SCRG1: variants seen among roughly 807,000 people sequenced by gnomAD.
The protein encoded by SCRG1 is scrapie-responsive protein 1.
SCRG1 carries 3 observed loss-of-function variants against 7.7 expected under a neutral mutation model. The observed-to-expected ratio is 0.39, with a 90% CI of 0.18 to 1.01. SCRG1 has a LOEUF of 1.01. Among genes scored for constraint, SCRG1 ranks in the 50% least tolerant of loss-of-function variants. SCRG1 has a pLI of 0.36. For synonymous variants in SCRG1, 46 were observed against 41.2 expected (o/e 1.12, Z -0.44); for missense variants, 110 against 117.2 (o/e 0.94, Z 0.28).
chr4:173,503,957 A>G, the SCRG1 span, among the ~76,000 whole-genome samples: 2 of 152,144 alleles, frequency 1.3e-5, no homozygotes, highest in Non-Finnish European at 2.9e-5. The surrounding 1 kb of genome is among the most constrained non-coding windows in gnomAD (Gnocchi z 6.4). Flanking sequence ...AGTGTCTTCT[A>G]TTTTCTGCCC....
chr4:173,496,054 T>C, the SCRG1 span, among the ~76,000 whole-genome samples: 1 of 151,674 alleles, frequency 6.6e-6, no homozygotes, highest in South Asian at 2.1e-4. Context: ...GAAACGAGAG[T>C]ATTCAATATA....
rs1029215144 is a variant in SCRG1, at chr4:173,385,152, A to C, written c.*3189T>G. 1.4e-4 allele frequency: 21 copies of C among 152,176 alleles called. No individual in the cohort carries two copies. Among genetic ancestry groups the C allele is most frequent in the African/African-American group, 4.8e-4 (20 of 41,436 alleles). The allele number at this position is 152,176 out of a possible 1,614,324, so 9.4% of individuals were successfully genotyped here. A position where few individuals can be genotyped will look rare whatever the true frequency, so the allele number is the denominator to read the frequency against. ...CAAGATGGTGTTTAGAAGAATAATA[A>C]AATTTTAATAAAAGCTTAGTTGTCT... On this transcript the variant is annotated 3_prime_UTR_variant, in exon 3 of 3. Transcript: ENST00000296506.
rs1739293520 is a variant in SCRG1 at position 173,388,124 on chromosome 4, A to C, written c.*217T>G. The C allele has an allele frequency of 1.3e-5, 6 of 453,082 alleles. No individual in the cohort carries two copies. The highest frequency in any genetic ancestry group is 2.3e-5 in the Non-Finnish European group (6 of 259,886). The allele number at this position is 453,082 out of a possible 1,614,324, so 28.1% of individuals were successfully genotyped here. ...CTCATAGATTACATTTTCTAGGCAA[A>C]ATTTTTAACCAATGCCAACAATGTC... On this transcript the variant is annotated 3_prime_UTR_variant, in exon 3 of 3. Transcript: ENST00000296506.
chr4:173,425,755 C>A, the SCRG1 span, among the ~76,000 whole-genome samples: 1 of 152,214 alleles, frequency 6.6e-6, no homozygotes, highest in Non-Finnish European at 1.5e-5. Context: ...AAAATATTAG[C>A]TCATTTCTTC....
the SCRG1 span, among the ~76,000 whole-genome samples, chr4:173,473,932 C>A: frequency 2.2e-4 from 34 of 152,296 alleles, no homozygotes; most frequent in East Asian, 6.6e-3. Flanking sequence ...GTAATCCCAG[C>A]ATTTTGGGAG....
the SCRG1 span, among the ~76,000 whole-genome samples, chr4:173,497,412 A>G: frequency 2.0e-5 from 3 of 152,076 alleles, no homozygotes; most frequent in African/African-American, 7.2e-5. Flanking sequence ...AAGATGATAA[A>G]GGAAAAGACT....
At chr4:173,466,071 G>A in the SCRG1 span, among the ~76,000 whole-genome samples, 1 of 152,074 alleles carries the variant, frequency 6.6e-6, no homozygotes, top group African/African-American at 2.4e-5. Flanking sequence ...GACCATTTGT[G>A]TACAAAATGG....
chr4:173,485,058 T>TATAATATAATTTA, the SCRG1 span, among the ~76,000 whole-genome samples: 1 of 9,012 alleles, frequency 1.1e-4, no homozygotes, highest in Non-Finnish European at 2.5e-4. Context: ...TAATATATTA[T>TATAATATAATTTA]ATATTATATA....
chr4:173,514,814 T>G, the SCRG1 span, among the ~76,000 whole-genome samples: 1 of 152,232 alleles, frequency 6.6e-6, no homozygotes, highest in Admixed American at 6.5e-5. Flanking sequence ...TCCCAGCTAA[T>G]AAACAACTTA....
chr4:173,487,647 G>A, the SCRG1 span, among the ~76,000 whole-genome samples: 1 of 152,056 alleles, frequency 6.6e-6, no homozygotes, highest in Non-Finnish European at 1.5e-5. Context: ...AAAGGCAATT[G>A]AGATGTGAAA....
At chr4:173,490,587 C>G in the SCRG1 span, among the ~76,000 whole-genome samples, 2 of 152,052 alleles carry the variant, frequency 1.3e-5, no homozygotes. Flanking sequence ...AGTTGCTGCC[C>G]GATTGCAGGA....
chr4:173,419,207 G>A, the SCRG1 span: 1 of 432,100 alleles, frequency 2.3e-6, no homozygotes, highest in Non-Finnish European at 4.3e-6. Context: ...TAAGTTTATT[G>A]TCTTTATCTG....
chr4:173,511,475 C>A, the SCRG1 span, among the ~76,000 whole-genome samples: 1 of 151,958 alleles, frequency 6.6e-6, no homozygotes, highest in Non-Finnish European at 1.5e-5. This position sits in a 1 kb window ranked among gnomAD's most constrained non-coding sequence, Gnocchi z 5.2. Flanking sequence ...TTTTCTGCTG[C>A]AACTTTCTCT....
the SCRG1 span, among the ~76,000 whole-genome samples, chr4:173,502,642 G>A: frequency 6.6e-6 from 1 of 152,136 alleles, no homozygotes; most frequent in Non-Finnish European, 1.5e-5. This position sits in a 1 kb window ranked among gnomAD's most constrained non-coding sequence, Gnocchi z 4.6. Flanking sequence ...TCAAACAGGG[G>A]CAGTCACAAG....
chr4:173,484,266 A>G, the SCRG1 span, among the ~76,000 whole-genome samples: 2 of 84,090 alleles, frequency 2.4e-5, no homozygotes, highest in Admixed American at 4.2e-4. Flanking sequence ...TATAATATAT[A>G]TTTTATATAT....
Position 173,386,805 on chromosome 4 carries a change from GT to G in SCRG1, c.*1535del, listed in dbSNP as rs1274538214. On this transcript the variant is annotated 3_prime_UTR_variant, in exon 3 of 3. Transcript: ENST00000296506. ...GCTTCACATTTATAAATAATTACTT[GT>G]TTATAGCAATCACACCTTTGTTAGA... is the stretch of plus-strand genomic sequence containing the variant. The G allele has an allele frequency of 3.9e-5, 6 of 152,114 alleles. No homozygotes were observed. Among genetic ancestry groups the G allele is most frequent in the Non-Finnish European group, 8.8e-5 (6 of 68,010 alleles). The allele number at this position is 152,114 out of a possible 1,614,324, so 9.4% of individuals were successfully genotyped here.
At chr4:173,487,961 T>G in the SCRG1 span, among the ~76,000 whole-genome samples, 37 of 151,848 alleles carry the variant, frequency 2.4e-4, no homozygotes, top group African/African-American at 8.2e-4. Context: ...ATTAGCTGGG[T>G]GTGGTGGCAC....
chr4:173,396,636 G>A (rs6553693), intron 1 of SCRG1, among the ~76,000 whole-genome samples: 146,701 of 152,084 alleles, frequency 0.96, 70,978 homozygotes, highest in East Asian at 1. Flanking sequence ...CAGAGCATAA[G>A]ATCATTTTTT....
At chr4:173,450,974 G>A in the SCRG1 span, among the ~76,000 whole-genome samples, 2 of 152,146 alleles carry the variant, frequency 1.3e-5, no homozygotes, top group Non-Finnish European at 2.9e-5. Flanking sequence ...AAAGTAGGAA[G>A]GGGGAGGAGC....
Sources: allele counts gnomAD v4.1 joint callset (sites outside exome capture counted in the v4.1 genomes callset), GRCh38; gene constraint gnomAD v4.1.1; non-coding constraint Gnocchi (gnomAD v3.1); transcripts MANE v1.5; gene names NCBI Gene and HGNC (gene_info 2026-07-23, HGNC 2026-07-21).